Variants in HUWE1 observed in about 807,000 individuals in gnomAD.
HUWE1 encodes the protein HECT, UBA and WWE domain containing E3 ubiquitin protein ligase 1.
In HUWE1, 18 loss-of-function variants were observed where a neutral mutation model predicts 299.4. The ratio of observed to expected loss-of-function variants is 0.06; its 90% CI spans 0.04 to 0.09. HUWE1 has a LOEUF of 0.09. HUWE1 is among the 10% of genes least tolerant of loss of function. The probability of loss-of-function intolerance (pLI) is 1.00; values close to 1 mark genes in which losing one functional copy is unlikely to be tolerated. For missense variants in HUWE1, 1,832 were observed against 3,462.3 expected (o/e 0.53, Z 11.82); for synonymous variants, 1,317 against 1,286.1 (o/e 1.02, Z -0.51).
Position 53,584,326 on chromosome X carries a change from T to C in HUWE1, c.5021A>G (p.Asn1674Ser). ...TMVQVNEETG[N>S]RRPVMLTLLR... ...GAGAGTCAGCATCACAGGGCGTCGG[T>C]TCCCTGTTTCCTCATTAACCTAGGA... Residue 1674 changes from asparagine to serine, a missense_variant, in exon 41 of 84, where the codon AAC (asparagine) becomes AGC (serine). Physicochemically the swap from Asn to Ser is conservative, Grantham distance 46. Transcript: ENST00000262854. 8.3e-7 allele frequency: 1 copy of C among 1,207,200 alleles called. No individual in the cohort carries two copies. The highest frequency in any genetic ancestry group is 1.1e-6 in the Non-Finnish European group (1 of 891,766).
intron 29 of HUWE1, among the ~76,000 whole-genome samples, chrX:53,598,882 A>G (rs1395243163): frequency 3.6e-5 from 4 of 112,408 alleles, no homozygotes; most frequent in East Asian, 2.8e-4. Context: ...AAAATTTAGT[A>G]ATAAGCTCAA....
chrX:53,591,212 T>G, intron 33 of HUWE1, 90 bp from the exon 34 acceptor site: 1 of 1,011,972 alleles, frequency 9.9e-7, no homozygotes, highest in Non-Finnish European at 1.4e-6. Flanking sequence ...TGGAAATAAC[T>G]TTTTCTAACT....
In HUWE1 at chrX:53,602,586, C is replaced by T. The variant is rs782671695; in HGVS notation, c.2949G>A (p.Thr983=). The T allele has an allele frequency of 2.5e-6, 3 of 1,182,822 alleles. No homozygotes were observed. The highest frequency in any genetic ancestry group is 3.4e-6 in the Non-Finnish European group (3 of 870,252). Residue 983 remains threonine (T), a synonymous_variant, in exon 28 of 84, where the codon ACG becomes ACA. Transcript: ENST00000262854. Reference sequence around the variant, plus strand: ...TACCTGATCTTTTTCCGCCCTGGGTCGTACCTGCCTTCTCATCCTTTGGAA... The same window carrying T: ...TACCTGATCTTTTTCCGCCCTGGGTTGTACCTGCCTTCTCATCCTTTGGAA... ...KLVPKDEKAG[T]TQGGKRSDGE...
chrX:53,582,697 T>G (rs1238840588), intron 42 of HUWE1, among the ~76,000 whole-genome samples: 3 of 112,028 alleles, frequency 2.7e-5, no homozygotes, highest in African/African-American at 9.7e-5. Context: ...GATTTTGTAT[T>G]AAGTACTGAG....
At chrX:53,647,630 G>C in intron 5 of HUWE1, 56 bp from the exon 6 acceptor site, 1 of 874,078 alleles carries the variant, frequency 1.1e-6, no homozygotes, top group East Asian at 3.1e-5. Flanking sequence ...CCGCATGGGT[G>C]CTTTCTAACT....
At position 53,557,300 on chromosome X, in the gene HUWE1, A is replaced by C. The variant is rs188750715; in HGVS notation, c.8206+82T>G. ...GAGCACCAGTGTCCATCTTCAGCCT[A>C]TGTGGGCCAGCTACTCGGAACTATC... On this transcript the variant is annotated intron_variant, in intron 60 of 83. Transcript: ENST00000262854. The C allele has an allele frequency of 2.2e-4, 191 of 854,734 alleles. 1 individual carries two copies. The African/African-American group carries it at 3.2e-3, about 15-fold the overall frequency. 70.4% of individuals were successfully genotyped at this position (854,734 alleles called of 1,213,427 possible).
At chrX:53,654,013 T>C (rs1557041689) in intron 4 of HUWE1, 50 bp downstream of exon 4, 1 of 935,034 alleles carries the variant, frequency 1.1e-6, no homozygotes, top group Admixed American at 2.3e-5. Flanking sequence ...AAATATTTTT[T>C]TATTTTTTAA....
At chrX:53,558,152 G>C (rs1440784696) in intron 59 of HUWE1, among the ~76,000 whole-genome samples, 1 of 111,957 alleles carries the variant, frequency 8.9e-6, no homozygotes, top group African/African-American at 3.2e-5. Flanking sequence ...AACCAAAATT[G>C]TATTAGTGAT....
rs1556921177 is a variant in HUWE1, at chrX:53,544,674, A to G, written c.11137T>C (p.Leu3713=). The change falls in exon 72 of 84, where the codon TTG becomes CTG. Residue 3713 remains leucine, a synonymous_variant. Transcript: ENST00000262854. ...TTCTGGGTAGATGTCTTGGATGTCA[A>G]CATGGACATAGAAGGCAGCTGGAGC... The part of the protein sequence containing the change: ...RELQLPSMSM[L]TSKTSTQKFF... 1.7e-6 allele frequency: 2 copies of G among 1,208,853 alleles called. No individual in the cohort carries two copies. Among genetic ancestry groups the G allele is most frequent in the African/African-American group, 3.5e-5 (2 of 57,555 alleles).
At chrX:53,680,231 T>C in intron 2 of HUWE1, 45 bp from the exon 3 acceptor site, 1 of 294,038 alleles carries the variant, frequency 3.4e-6, no homozygotes, top group Non-Finnish European at 5.9e-6. Flanking sequence ...ACACAACACA[T>C]TTATTAGGGT....
chrX:53,534,706 A>G lies in HUWE1; in HGVS notation c.12650-9T>C, dbSNP rs1457300850. 4 of 1,207,890 alleles carry G rather than the reference A, an allele frequency of 3.3e-6. No individual in the cohort carries two copies. Among genetic ancestry groups the G allele is most frequent in the Non-Finnish European group, 4.5e-6 (4 of 893,087 alleles). On this transcript the variant is annotated splice_polypyrimidine_tract_variant and intron_variant, in intron 81 of 83. Transcript: ENST00000262854. ...CTGCTTGCGGATGGCTCCTGGTGAGATAACCAAAAAGCCAAATGACTTCTA... is the reference window on the plus strand; with the variant it reads ...CTGCTTGCGGATGGCTCCTGGTGAGGTAACCAAAAAGCCAAATGACTTCTA...
chrX:53,580,730 T>A (rs1365934492), intron 43 of HUWE1, 101 bp downstream of exon 43: 1 of 816,707 alleles, frequency 1.2e-6, no homozygotes, highest in African/African-American at 2.0e-5. Context: ...AATACTTGCC[T>A]AAGGAGGCTC....
intron 81 of HUWE1, 44 bp from the exon 82 acceptor site, chrX:53,534,741 A>G: frequency 8.0e-6 from 9 of 1,131,817 alleles, no homozygotes; most frequent in Non-Finnish European, 1.1e-5. Context: ...AAACTCACAC[A>G]ACCGTAGAGG....
chrX:53,558,527 T>G, intron 59 of HUWE1, 128 bp downstream of exon 59: 1 of 665,744 alleles, frequency 1.5e-6, no homozygotes, highest in Admixed American at 2.5e-5. Flanking sequence ...GAATTTGAAA[T>G]AAAAAATTTC....
In HUWE1 at chrX:53,570,209, C is replaced by T. The variant is rs189821396; in HGVS notation, c.6313-382G>A. Among the ~76,000 whole-genome samples, 379 of 101,000 alleles carry T rather than the reference C, an allele frequency of 3.8e-3. 1 individual carries two copies. The highest frequency in any genetic ancestry group is 6.6e-3 in the Admixed American group (69 of 10,434). 87.7% of individuals were successfully genotyped at this position (101,000 alleles called of 115,157 possible). A position where few individuals can be genotyped will look rare whatever the true frequency, so the allele number is the denominator to read the frequency against. ...GCATGATCATCGCACACCACAGTCT[C>T]AAACTCCTGTGTGTGTGTTCTCACA... On this transcript the variant is annotated intron_variant, in intron 47 of 83. Coordinates refer to ENST00000262854, the MANE Select transcript of HUWE1 (RefSeq NM_031407.7).
rs1249617530 is a variant in HUWE1, at chrX:53,532,911, GAACAA to G, written c.*393_*397del. On this transcript the variant is annotated 3_prime_UTR_variant, in exon 84 of 84. Transcript: ENST00000262854. ...AAGCACAAATTAAGAAATGCAAACA[GAACAA>G]AAAAATATATATATATATAATTTTT... 1 of 110,837 alleles carries G rather than the reference GAACAA, an allele frequency of 9.0e-6. No homozygotes were observed. Among genetic ancestry groups the G allele is most frequent in the Non-Finnish European group, 1.9e-5 (1 of 53,237 alleles). The allele number at this position is 110,837 out of a possible 1,213,427, so 9.1% of individuals were successfully genotyped here.
intron 44 of HUWE1, among the ~76,000 whole-genome samples, chrX:53,576,131 T>C (rs979718519): frequency 4.5e-5 from 5 of 112,023 alleles, no homozygotes; most frequent in African/African-American, 1.6e-4. Context: ...GTAAAGATTC[T>C]GGGGTGATAG....
chrX:53,571,342 T>TGG (rs1204075861), intron 47 of HUWE1, among the ~76,000 whole-genome samples: 2 of 112,857 alleles, frequency 1.8e-5, no homozygotes, highest in African/African-American at 6.4e-5. Flanking sequence ...CTAGGTGTGA[T>TGG]GGCTCATGCC....
intron 43 of HUWE1, among the ~76,000 whole-genome samples, chrX:53,577,522 C>CCTCCTCTCCCTCTCCCTCTCCCTCTCT (rs2063187920): frequency 1.2e-5 from 1 of 80,726 alleles, no homozygotes; most frequent in African/African-American, 4.6e-5. Flanking sequence ...TCTCCCTCTC[C>CCTCCTCTCCCTCTCCCTCTCCCTCTCT]CTCCCTCTCC....
Sources: gnomAD v4.1 joint callset for allele counts (sites outside exome capture counted in the v4.1 genomes callset) on GRCh38, gnomAD v4.1.1 for gene constraint, MANE v1.5 for transcripts, NCBI Gene and HGNC (gene_info 2026-07-23, HGNC 2026-07-21) for gene names.